BCOR: variants seen among roughly 807,000 people sequenced by gnomAD.
BCOR encodes the protein BCL6 corepressor.
BCOR carries 10 observed loss-of-function variants against 86.7 expected under a neutral mutation model. The observed-to-expected ratio is 0.12, with a 90% CI of 0.07 to 0.20. The LOEUF (loss-of-function observed/expected upper bound fraction) is 0.20. Among genes scored for constraint, BCOR ranks in the 10% least tolerant of loss-of-function variants. BCOR has a pLI of 1.00. For synonymous variants in BCOR, 611 were observed against 609.0 expected, an observed-to-expected ratio of 1.00 and a Z score of -0.05; for missense variants, 1,259 against 1,452.1, an observed-to-expected ratio of 0.87 and a Z score of 2.16.
intron 1 of BCOR, among the ~76,000 whole-genome samples, chrX:40,087,644 A>C (rs1569169015): frequency 9.0e-6 from 1 of 111,205 alleles, no homozygotes; most frequent in Non-Finnish European, 1.9e-5. Flanking sequence ...CCTTGTGGCC[A>C]GTAGAAATAA....
intron 1 of BCOR, among the ~76,000 whole-genome samples, chrX:40,161,391 G>A (rs1486600622): frequency 9.2e-6 from 1 of 109,079 alleles, no homozygotes; most frequent in Non-Finnish European, 1.9e-5. Flanking sequence ...GTAGAGAAGG[G>A]GTTTCACCAC....
Position 40,074,153 on chromosome X carries a change from T to A in BCOR, c.1193A>T (p.Glu398Val). The A allele has an allele frequency of 1.6e-6, 2 of 1,212,192 alleles. No individual in the cohort carries two copies. ...CACTGGCTGGGCACCTTCGCCCCCT[T>A]CCGGAGCCTTGGGATACTTGCCATT... is the stretch of plus-strand genomic sequence containing the variant. ...LSNGKYPKAPEGGEGAQPVPG... is the reference protein window; with the variant it reads ...LSNGKYPKAPVGGEGAQPVPG... Residue 398 changes from glutamate to valine, a missense_variant, in exon 4 of 15, where the codon GAA becomes GTA. Glu to Val is a moderately radical substitution (Grantham distance 121). Coordinates refer to ENST00000378444, the MANE Select transcript of BCOR (RefSeq NM_001123385.2).
intron 1 of BCOR, among the ~76,000 whole-genome samples, chrX:40,123,781 A>G (rs1006131689): frequency 9.4e-6 from 1 of 106,211 alleles, no homozygotes; most frequent in Non-Finnish European, 1.9e-5. Flanking sequence ...CTAGGGGAAG[A>G]GAAGGTTTCC....
chrX:40,126,682 C>T (rs917663625), intron 1 of BCOR, among the ~76,000 whole-genome samples: 1 of 111,108 alleles, frequency 9.0e-6, no homozygotes, highest in Non-Finnish European at 1.9e-5. Context: ...TGGCGAAACC[C>T]TGTCTCTACT....
rs1208323368 is a variant in BCOR at position 40,072,890 on chromosome X, G to A, written c.2456C>T (p.Thr819Ile). ...LREEPDAKTD[T>I]NVSKPSFAAE... Reference sequence around the variant, plus strand: ...TGCAAAGCTGGGTTTGGACACGTTTGTGTCAGTTTTAGCATCTGGTTCTTC... The same window carrying A: ...TGCAAAGCTGGGTTTGGACACGTTTATGTCAGTTTTAGCATCTGGTTCTTC... The change falls in exon 4 of 15, where the codon ACA becomes ATA. Residue 819 changes from threonine to isoleucine, a missense_variant. Thr to Ile is a moderately conservative substitution (Grantham distance 89). This residue lies in a region of BCOR where 534 missense variants were observed against 594.8 expected (regional missense o/e 0.90). Coordinates refer to ENST00000378444, the MANE Select transcript of BCOR (RefSeq NM_001123385.2). 9 of 1,211,749 alleles carry A rather than the reference G, an allele frequency of 7.4e-6. No homozygotes were observed. Among genetic ancestry groups the A allele is most frequent in the Non-Finnish European group, 1.1e-6 (1 of 895,531 alleles).
At chrX:40,107,894 C>T (rs1046695662) in intron 1 of BCOR, among the ~76,000 whole-genome samples, 4 of 113,637 alleles carry the variant, frequency 3.5e-5, no homozygotes, top group Admixed American at 1.8e-4. Context: ...TGCGTTCATA[C>T]GCGGGAGGCG....
chrX:40,067,914 A>C (rs1328203702), intron 6 of BCOR: 4 of 111,989 alleles, frequency 3.6e-5, no homozygotes, highest in Non-Finnish European at 7.5e-5. Flanking sequence ...AGGGCAAAGG[A>C]GATGGGTGCA....
chrX:40,096,375 A>G (rs904930008), intron 1 of BCOR, among the ~76,000 whole-genome samples: 9 of 111,736 alleles, frequency 8.1e-5, no homozygotes, highest in African/African-American at 2.9e-4. Flanking sequence ...TACGCTGAAC[A>G]TCGGGGAGGG....
At chrX:40,058,360 G>A (rs1439224232) in intron 10 of BCOR, among the ~76,000 whole-genome samples, 1 of 112,002 alleles carries the variant, frequency 8.9e-6, no homozygotes, top group East Asian at 2.8e-4. Flanking sequence ...GGCCAGCAGA[G>A]AGCTGTCAGG....
At chrX:40,117,990 C>A (rs1411254852) in intron 1 of BCOR, among the ~76,000 whole-genome samples, 1 of 92,151 alleles carries the variant, frequency 1.1e-5, no homozygotes, top group Non-Finnish European at 2.0e-5. Flanking sequence ...CTCCACCCCC[C>A]CCACCCCTTT....
At chrX:40,059,233 T>C in intron 10 of BCOR, among the ~76,000 whole-genome samples, 1 of 112,302 alleles carries the variant, frequency 8.9e-6, no homozygotes, top group Middle Eastern at 4.6e-3. Flanking sequence ...GTAACACTTC[T>C]GATGTTCCCA....
intron 10 of BCOR, among the ~76,000 whole-genome samples, chrX:40,059,746 G>A (rs1168259122): frequency 2.7e-5 from 3 of 112,965 alleles, no homozygotes; most frequent in Non-Finnish European, 3.7e-5. Context: ...GACATTAACC[G>A]CAAAATGTAA....
chrX:40,087,261 G>A (rs910478320), intron 1 of BCOR, among the ~76,000 whole-genome samples: 5 of 112,739 alleles, frequency 4.4e-5, no homozygotes, highest in South Asian at 3.6e-4. Flanking sequence ...CTTACTGGCC[G>A]CCCCACTGAT....
At position 40,073,948 on chromosome X, in the gene BCOR, C is replaced by T; in HGVS notation, c.1398G>A (p.Leu466=). ...DHMKKMAPTV[L]VHSRAGSGLV... ...AGCCACTTCCAGCCCTGCTGTGAAC[C>T]AGGACCGTGGGAGCCATCTTTTTCA... Residue 466 remains leucine (L), a synonymous_variant, in exon 4 of 15, where the codon CTG becomes CTA. Coordinates refer to ENST00000378444, the MANE Select transcript of BCOR (RefSeq NM_001123385.2). The T allele has an allele frequency of 8.2e-7, 1 of 1,212,351 alleles. No homozygotes were observed. The highest frequency in any genetic ancestry group is 1.1e-6 in the Non-Finnish European group (1 of 895,661).
chrX:40,143,242 G>A (rs186391196), intron 1 of BCOR, among the ~76,000 whole-genome samples: 2 of 112,065 alleles, frequency 1.8e-5, no homozygotes, highest in East Asian at 2.8e-4. Flanking sequence ...GTGTGTGTCT[G>A]TGTGTGTTTC....
intron 1 of BCOR, among the ~76,000 whole-genome samples, chrX:40,080,977 ACACACACACGCG>A (rs1482370201): frequency 4.8e-3 from 150 of 31,242 alleles, no homozygotes; most frequent in South Asian, 0.018. Flanking sequence ...GCACACGCGC[ACACACACACGCG>A]CACACACACA....
Position 40,072,080 on chromosome X carries a change from T to C in BCOR, c.2997+269A>G, listed in dbSNP as rs772830828. ...TGATAGGTAAACGTCATGCAGTCTT[T>C]AGATACCCTTCACAATAATTAAAAC... On this transcript the variant is annotated intron_variant, in intron 4 of 14. Transcript: ENST00000378444. 2.1e-5 allele frequency: 9 copies of C among 423,097 alleles called. No individual in the cohort carries two copies. In the East Asian group the frequency reaches 2.7e-4, roughly 13 times the overall value. 34.9% of individuals were successfully genotyped at this position (423,097 alleles called of 1,213,427 possible). A position where few individuals can be genotyped will look rare whatever the true frequency, so the allele number is the denominator to read the frequency against.
At chrX:40,171,132 AC>A (rs1280663582) in intron 1 of BCOR, among the ~76,000 whole-genome samples, 1 of 110,988 alleles carries the variant, frequency 9.0e-6, no homozygotes, top group Non-Finnish European at 1.9e-5. Context: ...TCCTGCCTAC[AC>A]CCTCCTTCCT....
chrX:40,060,537 G>A (rs4630013), intron 10 of BCOR, among the ~76,000 whole-genome samples: 20,521 of 111,581 alleles, frequency 0.18, 1,546 homozygotes, highest in African/African-American at 0.21. Flanking sequence ...ACCAGGCCAG[G>A]AGCCCTACCC....
Sources: gnomAD v4.1 joint callset for allele counts (sites outside exome capture counted in the v4.1 genomes callset) on GRCh38, gnomAD v4.1.1 for gene constraint, gnomAD v4.1.1 regional missense constraint, MANE v1.5 for transcripts, NCBI Gene and HGNC (gene_info 2026-07-23, HGNC 2026-07-21) for gene names.